Variants in FSD1L observed in about 807,000 individuals in gnomAD.
The protein encoded by FSD1L is FSD1-like protein.
Under a neutral mutation model 71.6 loss-of-function variants are expected in FSD1L, and 45 were observed. That is an observed-to-expected ratio of 0.63 (90% CI 0.49 to 0.81). The LOEUF is 0.81. Ranked by LOEUF, FSD1L falls within the 30% of genes least tolerant of loss-of-function variation. FSD1L has a pLI of 0.00. For missense variants in FSD1L, 561 were observed against 618.1 expected (o/e 0.91, Z 0.98); for synonymous variants, 197 against 207.2 (o/e 0.95, Z 0.42).
At chr9:105,471,843 G>T in intron 4 of FSD1L, 61 bp from the exon 5 acceptor site, 1 of 604,556 alleles carries the variant, frequency 1.7e-6, no homozygotes, top group Non-Finnish European at 2.7e-6. Flanking sequence ...ATATATTTAA[G>T]ATTCTAATGG....
chr9:105,471,657 T>G (rs1443125084), intron 4 of FSD1L, among the ~76,000 whole-genome samples: 1 of 150,694 alleles, frequency 6.6e-6, no homozygotes, highest in African/African-American at 2.4e-5. Context: ...CGATAAATTA[T>G]GGCAAGAGGT....
At chr9:105,470,860 A>G (rs1019292207) in intron 4 of FSD1L, among the ~76,000 whole-genome samples, 1 of 152,220 alleles carries the variant, frequency 6.6e-6, no homozygotes, top group Non-Finnish European at 1.5e-5. Context: ...TTTAAAAAAC[A>G]AAACACTGTA....
chr9:105,481,176 T>TCTGTGTGTGG (rs1832159341), intron 6 of FSD1L, among the ~76,000 whole-genome samples: 1 of 123,196 alleles, frequency 8.1e-6, no homozygotes, highest in South Asian at 2.7e-4. Context: ...TGTGTGTGTG[T>TCTGTGTGTGG]GTGGTTCTTT....
Position 105,524,623 on chromosome 9 carries a change from C to T in FSD1L, c.1026-9870C>T, listed in dbSNP as rs145054512. ...TTTCCCATGAGCCTCTCTGATTTGG[C>T]ATCTGTAGATTATGATCCTTTTATG... On this transcript the variant is annotated intron_variant, in intron 10 of 13. Coordinates refer to ENST00000481272, the MANE Select transcript of FSD1L (RefSeq NM_001145313.3). The T allele has an allele frequency of 1.2e-3, 1,985 of 1,613,876 alleles. 26 individuals carry two copies. The African/African-American group carries it at 0.023, about 18-fold the overall frequency.
intron 7 of FSD1L, among the ~76,000 whole-genome samples, chr9:105,487,461 G>A (rs995731721): frequency 6.6e-6 from 1 of 151,480 alleles, no homozygotes; most frequent in African/African-American, 2.4e-5. Flanking sequence ...TGACAAATGT[G>A]TTATGATTGT....
intron 12 of FSD1L, among the ~76,000 whole-genome samples, chr9:105,536,362 C>T (rs1836264266): frequency 6.6e-6 from 1 of 152,062 alleles, no homozygotes; most frequent in South Asian, 2.1e-4. Context: ...ATTAGCTGCC[C>T]CTGTTAAAAT....
rs1213686149 is a variant in FSD1L, at chr9:105,508,705, A to G, written c.885A>G (p.Leu295=). Residue 295 remains leucine (L), a synonymous_variant, in exon 9 of 14, where the codon CTA becomes CTG. Transcript: ENST00000481272. ...GAGAGTATTCTGATCCAGTGACTCT[A>G]GAGACCAAAGGTGAGATCAGTAGCT... ...VAGEYSDPVT[L]ETKALNFNLD... is the part of the protein sequence containing the mutation. 1.2e-5 allele frequency: 19 copies of G among 1,542,086 alleles called. No homozygotes were observed. The highest frequency in any genetic ancestry group is 1.5e-5 in the Non-Finnish European group (17 of 1,138,294).
At chr9:105,540,422 G>C (rs139946478) in intron 13 of FSD1L, among the ~76,000 whole-genome samples, 238 of 151,992 alleles carry the variant, frequency 1.6e-3, no homozygotes, top group African/African-American at 5.5e-3. Context: ...AGTTAATTTT[G>C]TTCAGTTTAT....
intron 1 of FSD1L, among the ~76,000 whole-genome samples, chr9:105,450,556 G>A (rs917316800): frequency 6.2e-5 from 9 of 145,154 alleles, no homozygotes; most frequent in African/African-American, 2.1e-4. Flanking sequence ...TTTTTGAGAC[G>A]GAGTTTTGCT....
chr9:105,528,316 CA>C (rs1274773188), intron 10 of FSD1L, among the ~76,000 whole-genome samples: 1 of 151,374 alleles, frequency 6.6e-6, no homozygotes, highest in African/African-American at 2.4e-5. Flanking sequence ...GAACCGCCCG[CA>C]TAGAGAAGAC....
chr9:105,472,956 T>A (rs2131651167), intron 5 of FSD1L: 1 of 152,342 alleles, frequency 6.6e-6, no homozygotes, highest in Admixed American at 6.5e-5. Context: ...ATAGGTGGAC[T>A]TATTATATAA....
intron 5 of FSD1L, chr9:105,472,622 C>G (rs1297291222): frequency 6.6e-6 from 1 of 152,016 alleles, no homozygotes; most frequent in Non-Finnish European, 1.5e-5. Flanking sequence ...GTGTAGTTAT[C>G]AAGATAAAAT....
intron 7 of FSD1L, among the ~76,000 whole-genome samples, chr9:105,498,547 A>T (rs1006284205): frequency 3.9e-5 from 6 of 152,186 alleles, no homozygotes; most frequent in African/African-American, 1.4e-4. Context: ...ATACAGTCAA[A>T]ATATGGTATT....
At chr9:105,496,096 C>G (rs532976541) in intron 7 of FSD1L, among the ~76,000 whole-genome samples, 1 of 150,874 alleles carries the variant, frequency 6.6e-6, no homozygotes, top group Admixed American at 6.6e-5. Flanking sequence ...ATTTTTAATT[C>G]TAATAATGTT....
intron 13 of FSD1L, among the ~76,000 whole-genome samples, chr9:105,540,504 A>G (rs1836541865): frequency 6.6e-6 from 1 of 152,146 alleles, no homozygotes; most frequent in African/African-American, 2.4e-5. Context: ...CAAGGTCATG[A>G]AAATATTCTT....
upstream of FSD1L, among the ~76,000 whole-genome samples, chr9:105,443,068 AGTCAGGTTTGT>A (rs2131536211): frequency 6.6e-6 from 1 of 152,334 alleles, no homozygotes; most frequent in African/African-American, 2.4e-5. Flanking sequence ...TGGTTTCACT[AGTCAGGTTTGT>A]GTCCACTGAC....
chr9:105,472,566 T>C (rs1831545859), intron 5 of FSD1L: 1 of 152,192 alleles, frequency 6.6e-6, no homozygotes, highest in African/African-American at 2.4e-5. Context: ...TTTAAAATGA[T>C]GTGAAAAGAT....
At chr9:105,520,175 G>C in intron 10 of FSD1L, 3 of 1,611,310 alleles carry the variant, frequency 1.9e-6, no homozygotes, top group Non-Finnish European at 2.5e-6. Context: ...CCACCCAGAA[G>C]GTGCTAGACA....
chr9:105,521,931 C>A (rs1046943911), intron 10 of FSD1L: 4 of 1,612,338 alleles, frequency 2.5e-6, no homozygotes, highest in Non-Finnish European at 3.4e-6. Context: ...TATGTGTAAA[C>A]GCATTCTTAA....
Sources: gnomAD v4.1 joint callset for allele counts (sites outside exome capture counted in the v4.1 genomes callset) on GRCh38, gnomAD v4.1.1 for gene constraint, MANE v1.5 for transcripts, NCBI Gene and HGNC (gene_info 2026-07-23, HGNC 2026-07-21) for gene names.